The following WDR49 variants were observed in gnomAD, a reference collection of about 807,000 sequenced individuals.
WDR49 encodes cilia- and flagella-associated protein 337.
Under a neutral mutation model 119.5 loss-of-function variants are expected in WDR49, and 107 were observed. The observed-to-expected ratio is 0.90, with a 90% CI of 0.77 to 1.05. WDR49 has a LOEUF of 1.05. WDR49 is among the 50% of genes least tolerant of loss of function. The pLI is 0.00. For synonymous variants in WDR49, 425 were observed against 418.8 expected, an observed-to-expected ratio of 1.01 and a Z score of -0.18; for missense variants, 1,240 against 1,220.5, an observed-to-expected ratio of 1.02 and a Z score of -0.24.
intron 10 of WDR49, among the ~76,000 whole-genome samples, chr3:167,538,424 C>T (rs980727066): frequency 2.6e-5 from 4 of 151,966 alleles, no homozygotes; most frequent in Admixed American, 6.6e-5. Context: ...GTTACATATT[C>T]GTTTCTTACT....
chr3:167,549,366 CT>C (rs1370861804), intron 10 of WDR49, among the ~76,000 whole-genome samples: 1 of 152,146 alleles, frequency 6.6e-6, no homozygotes, highest in Non-Finnish European at 1.5e-5. Context: ...TGTTTCCTGA[CT>C]TTTTAACGAT....
At chr3:167,563,371 A>AAAAAAAG (rs1560287615) in intron 8 of WDR49, among the ~76,000 whole-genome samples, 6 of 137,244 alleles carry the variant, frequency 4.4e-5, no homozygotes, top group African/African-American at 2.1e-4. Flanking sequence ...AAAAAAAAAA[A>AAAAAAAG]AAAAAAGAAA....
intron 8 of WDR49, among the ~76,000 whole-genome samples, chr3:167,563,974 C>T (rs4420870): frequency 0.32 from 49,265 of 152,068 alleles, 8,246 homozygotes; most frequent in African/African-American, 0.37. Context: ...AAAGAAAAGA[C>T]TTGATTACCT....
chr3:167,535,718 C>T (rs1752996928), intron 11 of WDR49, among the ~76,000 whole-genome samples: 1 of 152,024 alleles, frequency 6.6e-6, no homozygotes, highest in African/African-American at 2.4e-5. Flanking sequence ...CCATATGATC[C>T]AGAAATTCCA....
intron 4 of WDR49, among the ~76,000 whole-genome samples, chr3:167,621,248 A>C (rs1237060431): frequency 6.6e-6 from 1 of 152,146 alleles, no homozygotes. Flanking sequence ...AGCTATACAC[A>C]GACCAAAAAA....
intron 7 of WDR49, among the ~76,000 whole-genome samples, chr3:167,587,214 A>T (rs1256175409): frequency 6.6e-6 from 1 of 152,198 alleles, no homozygotes; most frequent in African/African-American, 2.4e-5. Context: ...GAAAAATACA[A>T]TATACATATA....
intron 7 of WDR49, among the ~76,000 whole-genome samples, chr3:167,597,376 G>A (rs529403761): frequency 2.0e-5 from 3 of 152,230 alleles, no homozygotes; most frequent in African/African-American, 7.2e-5. Context: ...AAAATGCCTG[G>A]ATGTCCAGGC....
intron 2 of WDR49, among the ~76,000 whole-genome samples, chr3:167,634,846 T>C (rs528531996): frequency 1.6e-3 from 239 of 151,990 alleles, no homozygotes; most frequent in African/African-American, 5.1e-3. Context: ...ATTAAAATCA[T>C]TTATAATGCC....
intron 15 of WDR49, among the ~76,000 whole-genome samples, chr3:167,525,810 T>C (rs1408997047): frequency 6.6e-6 from 1 of 151,980 alleles, no homozygotes; most frequent in African/African-American, 2.4e-5. Context: ...ATAGCTATGT[T>C]ATAAAAGTGA....
In WDR49 at chr3:167,515,058, A is replaced by G. The variant is rs148502199; in HGVS notation, c.2774+7257T>C. On this transcript the variant is annotated intron_variant, in intron 16 of 18. Coordinates refer to ENST00000682715, the MANE Select transcript of WDR49 (RefSeq NM_001366157.1). Reference sequence around the variant, plus strand: ...AGCTGAATTCTACCAGAGATACAAAAAGGAGCTGGTACCATTTCTTCTGAA... The same window carrying G: ...AGCTGAATTCTACCAGAGATACAAAGAGGAGCTGGTACCATTTCTTCTGAA... Among the ~76,000 whole-genome samples the G allele has an allele frequency of 6.2e-3, 943 of 152,218 alleles. 5 individuals are homozygous for G. Among genetic ancestry groups the G allele is most frequent in the Non-Finnish European group, 7.7e-3 (526 of 67,988 alleles).
chr3:167,654,401 G>A (rs748858942), upstream of WDR49, among the ~76,000 whole-genome samples: 4 of 152,074 alleles, frequency 2.6e-5, no homozygotes, highest in Non-Finnish European at 4.4e-5. Flanking sequence ...AACATAATAT[G>A]ATAAATCTAA....
chr3:167,550,516 T>C (rs57245195), intron 10 of WDR49, among the ~76,000 whole-genome samples: 137 of 152,082 alleles, frequency 9.0e-4, no homozygotes, highest in African/African-American at 3.0e-3. Flanking sequence ...GTCTAGACTT[T>C]TAAGGAGATA....
chr3:167,517,271 TA>T (rs1433502105), intron 16 of WDR49, among the ~76,000 whole-genome samples: 1 of 152,034 alleles, frequency 6.6e-6, no homozygotes, highest in East Asian at 1.9e-4. Context: ...CTTCAAACTG[TA>T]CTACACGGCT....
intron 18 of WDR49, among the ~76,000 whole-genome samples, chr3:167,496,766 C>T (rs955721772): frequency 1.6e-4 from 24 of 152,046 alleles, no homozygotes; most frequent in African/African-American, 5.8e-4. Flanking sequence ...AATGAACAAA[C>T]ATTATTTCAG....
chr3:167,503,813 C>A (rs1751668850), intron 17 of WDR49, among the ~76,000 whole-genome samples: 1 of 152,212 alleles, frequency 6.6e-6, no homozygotes, highest in Non-Finnish European at 1.5e-5. Context: ...GAAAGCAGAG[C>A]TCCCATACAA....
chr3:167,618,594 A>G (rs1381869825), intron 5 of WDR49, among the ~76,000 whole-genome samples: 3 of 152,154 alleles, frequency 2.0e-5, no homozygotes, highest in African/African-American at 7.2e-5. Context: ...ATATATGTAC[A>G]TCTATATATA....
intron 3 of WDR49, among the ~76,000 whole-genome samples, chr3:167,626,324 T>C (rs957862503): frequency 6.6e-6 from 1 of 151,990 alleles, no homozygotes; most frequent in Non-Finnish European, 1.5e-5. Flanking sequence ...CATAGTAAAA[T>C]CTACCATCTG....
chr3:167,531,188 C>T lies in WDR49; in HGVS notation c.2145G>A (p.Glu715=), dbSNP rs750044931. Residue 715 remains glutamate (E), a synonymous_variant, in exon 13 of 19, where the codon GAG becomes GAA. Coordinates refer to ENST00000682715, the MANE Select transcript of WDR49 (RefSeq NM_001366157.1). ...CAGCATTTTTGCCCTCAGTGTCAAT[C>T]TCAAAGTTGCGGACTCCCGTGGTAG... is the stretch of plus-strand genomic sequence containing the variant. ...DHSTTGVRNF[E]IDTEGKNAVM... is the part of the protein sequence containing the mutation. The T allele has an allele frequency of 1.2e-6, 2 of 1,612,014 alleles. No homozygotes were observed. Among genetic ancestry groups the T allele is most frequent in the East Asian group, 4.5e-5 (2 of 44,858 alleles).
chr3:167,620,691 G>T, intron 4 of WDR49, 88 bp from the exon 5 acceptor site: 1 of 1,227,026 alleles, frequency 8.1e-7, no homozygotes, highest in Non-Finnish European at 1.1e-6. Context: ...ATAAGGAATA[G>T]CTATTAACTT....
Sources: gnomAD v4.1 joint callset for allele counts (sites outside exome capture counted in the v4.1 genomes callset) on GRCh38, gnomAD v4.1.1 for gene constraint, MANE v1.5 for transcripts, NCBI Gene and HGNC (gene_info 2026-07-23, HGNC 2026-07-21) for gene names.